Variants in MLLT10 observed in about 807,000 individuals in gnomAD.
MLLT10 encodes the protein MLLT10 histone lysine methyltransferase DOT1L cofactor, also known as protein AF-10.
Under a neutral mutation model 129.1 loss-of-function variants are expected in MLLT10, and 30 were observed. That is an observed-to-expected ratio of 0.23 (90% CI 0.17 to 0.32). MLLT10 has a LOEUF of 0.32. Ranked by LOEUF, MLLT10 falls within the 10% of genes least tolerant of loss-of-function variation. The pLI, the probability that MLLT10 is intolerant of heterozygous loss-of-function variation, is 1.00. For missense variants in MLLT10, 1,119 were observed against 1,268.3 expected, an observed-to-expected ratio of 0.88 and a Z score of 1.79; for synonymous variants, 490 against 446.4, an observed-to-expected ratio of 1.10 and a Z score of -1.23.
At chr10:21,581,271 T>A (rs546760196) in intron 3 of MLLT10, among the ~76,000 whole-genome samples, 31 of 151,546 alleles carry the variant, frequency 2.0e-4, no homozygotes, top group Non-Finnish European at 4.1e-4. Context: ...ATGGTCTCGA[T>A]CTCCTGACCT....
intron 8 of MLLT10, among the ~76,000 whole-genome samples, chr10:21,650,708 C>T (rs2048937322): frequency 6.6e-6 from 1 of 152,024 alleles, no homozygotes; most frequent in Non-Finnish European, 1.5e-5. Context: ...AACAACAGAA[C>T]ATTTTGGTTA....
intron 13 of MLLT10, among the ~76,000 whole-genome samples, chr10:21,697,099 CAAAAAAA>C (rs1163740638): frequency 1.1e-4 from 9 of 82,660 alleles, no homozygotes; most frequent in East Asian, 7.7e-4. Context: ...CTGATTTAAG[CAAAAAAA>C]AAAAAAAAAA....
intron 3 of MLLT10, among the ~76,000 whole-genome samples, chr10:21,549,123 T>TC (rs2036565348): frequency 2.3e-5 from 1 of 43,932 alleles, no homozygotes; most frequent in Non-Finnish European, 7.0e-5. Context: ...AGCTTATTCC[T>TC]TTTTTTTTTT....
At chr10:21,738,586 A>C (rs1288206834) in intron 21 of MLLT10, 1 of 1,242,478 alleles carries the variant, frequency 8.0e-7, no homozygotes, top group African/African-American at 1.6e-5. Flanking sequence ...AAGCCTCCGC[A>C]CAGCTTCCGC....
At chr10:21,537,980 T>A (rs1199563480) in intron 2 of MLLT10, among the ~76,000 whole-genome samples, 2 of 152,046 alleles carry the variant, frequency 1.3e-5, no homozygotes, top group Non-Finnish European at 1.5e-5. Context: ...AGCATTCACA[T>A]CATTATGTAT....
chr10:21,624,874 C>A, intron 8 of MLLT10: 1 of 1,148,770 alleles, frequency 8.7e-7, no homozygotes, highest in East Asian at 2.4e-5. Context: ...CCCCTACAGC[C>A]TCGTGGTGGT....
Position 21,673,614 on chromosome 10 carries a change from A to C in MLLT10, c.1316A>C (p.Asp439Ala). The C allele has an allele frequency of 6.2e-7, 1 of 1,613,508 alleles. No individual in the cohort carries two copies. The highest frequency in any genetic ancestry group is 8.5e-7 in the Non-Finnish European group (1 of 1,179,878). The change falls in exon 11 of 23, where the codon GAT (aspartate) becomes GCT (alanine). Residue 439 changes from aspartate (D) to alanine (A), a missense_variant. Around this residue, in one of 5 missense-constraint regions of MLLT10, gnomAD observed 1,004 missense variants for 1,008.7 expected, o/e 1.00. Transcript: ENST00000307729. ...QPKSFENSPG[D>A]LGNSSLPTAG... ...AAAAGCTTTGAAAATTCACCTGGAG[A>C]TTTGGGTAATTCCAGCCTTCCTACA...
chr10:21,556,764 C>G, intron 3 of MLLT10: 1 of 1,605,200 alleles, frequency 6.2e-7, no homozygotes, highest in South Asian at 1.1e-5. Context: ...CCTCCAGTTT[C>G]TGGTGCTCTG....
chr10:21,607,897 T>C (rs763953542), intron 5 of MLLT10, among the ~76,000 whole-genome samples: 1 of 152,180 alleles, frequency 6.6e-6, no homozygotes, highest in African/African-American at 2.4e-5. Context: ...ATTTCTTTTT[T>C]GTCACATCTG....
intron 14 of MLLT10, among the ~76,000 whole-genome samples, chr10:21,723,218 T>C (rs568639700): frequency 6.6e-6 from 1 of 152,328 alleles, no homozygotes; most frequent in African/African-American, 2.4e-5. Flanking sequence ...TACTCCTTTC[T>C]ATTTTGATCT....
chr10:21,683,543 G>A (rs1161722549), intron 13 of MLLT10, among the ~76,000 whole-genome samples: 1 of 152,168 alleles, frequency 6.6e-6, no homozygotes, highest in Non-Finnish European at 1.5e-5. Flanking sequence ...AAAGAAAGTA[G>A]ACATCATGGG....
chr10:21,662,491 C>A (rs975129297), intron 9 of MLLT10, among the ~76,000 whole-genome samples: 1 of 151,930 alleles, frequency 6.6e-6, no homozygotes, highest in Non-Finnish European at 1.5e-5. Flanking sequence ...TGAGTTGTGT[C>A]CCACTCTGCT....
intron 13 of MLLT10, among the ~76,000 whole-genome samples, chr10:21,696,824 C>G (rs547052983): frequency 6.6e-6 from 1 of 152,112 alleles, no homozygotes; most frequent in Non-Finnish European, 1.5e-5. Context: ...TAAGTCATCT[C>G]CCTGACTCCA....
intron 3 of MLLT10, among the ~76,000 whole-genome samples, chr10:21,567,744 C>T (rs958224668): frequency 1.3e-5 from 2 of 151,634 alleles, no homozygotes; most frequent in Non-Finnish European, 2.9e-5. Flanking sequence ...AGTTACTCTT[C>T]AAGTTTTCTT....
chr10:21,722,769 G>T (rs575465908), intron 14 of MLLT10, among the ~76,000 whole-genome samples: 2 of 152,156 alleles, frequency 1.3e-5, no homozygotes, highest in African/African-American at 4.8e-5. Flanking sequence ...ACTCATCAAG[G>T]GTCCCAGTAT....
At chr10:21,662,876 C>T (rs2050359327) in intron 9 of MLLT10, among the ~76,000 whole-genome samples, 1 of 152,110 alleles carries the variant, frequency 6.6e-6, no homozygotes, top group Non-Finnish European at 1.5e-5. Context: ...TTAGGTGAAC[C>T]TCTACCCCTG....
At chr10:21,583,412 C>T (rs2041669547) in intron 3 of MLLT10, among the ~76,000 whole-genome samples, 1 of 151,756 alleles carries the variant, frequency 6.6e-6, no homozygotes, top group Non-Finnish European at 1.5e-5. Flanking sequence ...AAGGTGCTGC[C>T]AAAGAGGTAA....
At chr10:21,605,607 AGTTTTTTATTGTTTATAG>A (rs1334283873) in intron 5 of MLLT10, among the ~76,000 whole-genome samples, 3 of 151,846 alleles carry the variant, frequency 2.0e-5, no homozygotes, top group Non-Finnish European at 4.4e-5. Context: ...ATCATGCCTA[AGTTTTTTATTGTTTATAG>A]TGACTGGGTA....
chr10:21,671,068 T>C (rs2051346137), intron 10 of MLLT10: 1 of 177,862 alleles, frequency 5.6e-6, no homozygotes, highest in Admixed American at 5.6e-5. Flanking sequence ...CTCTGTTGCC[T>C]GGGCTGGAGT....
Sources: gnomAD v4.1 joint callset for allele counts (sites outside exome capture counted in the v4.1 genomes callset) on GRCh38, gnomAD v4.1.1 for gene constraint, gnomAD v4.1.1 regional missense constraint, MANE v1.5 for transcripts, NCBI Gene and HGNC (gene_info 2026-07-23, HGNC 2026-07-21) for gene names.